The following TFEC variants were observed in gnomAD, a reference collection of about 807,000 sequenced individuals.
TFEC encodes class E basic helix-loop-helix protein 34.
In TFEC, 31 loss-of-function variants were observed where a neutral mutation model predicts 41.6. That is an observed-to-expected ratio of 0.74 (90% CI 0.56 to 1.01). The LOEUF is 1.01. Ranked by LOEUF, TFEC falls within the 50% of genes least tolerant of loss-of-function variation. The pLI is 0.00. For synonymous variants in TFEC, 143 were observed against 140.6 expected (o/e 1.02, Z -0.12); for missense variants, 402 against 404.1 (o/e 0.99, Z 0.04).
intron 4 of TFEC, among the ~76,000 whole-genome samples, chr7:115,956,354 A>ATAAAATGCAAT (rs1322371458): frequency 6.6e-6 from 1 of 151,888 alleles, no homozygotes. Flanking sequence ...AATGGCATCT[A>ATAAAATGCAAT]TTTAATATAA....
intron 3 of TFEC, among the ~76,000 whole-genome samples, chr7:116,078,900 T>A (rs975986599): frequency 6.6e-6 from 1 of 151,926 alleles, no homozygotes; most frequent in Non-Finnish European, 1.5e-5. Flanking sequence ...CAGGCCAATA[T>A]CCCTGATGAA....
intron 3 of TFEC, among the ~76,000 whole-genome samples, chr7:115,970,264 T>A (rs1793073256): frequency 6.6e-6 from 1 of 151,984 alleles, no homozygotes; most frequent in African/African-American, 2.4e-5. Context: ...CCATGTTAAA[T>A]GCCACTGAGG....
At chr7:116,073,395 C>T (rs1438363576) in intron 3 of TFEC, among the ~76,000 whole-genome samples, 1 of 150,924 alleles carries the variant, frequency 6.6e-6, no homozygotes, top group African/African-American at 2.4e-5. Context: ...AGATTTCATG[C>T]AAAATTGTTT....
chr7:116,072,599 T>C (rs905193230), intron 3 of TFEC, among the ~76,000 whole-genome samples: 2 of 151,762 alleles, frequency 1.3e-5, no homozygotes, highest in East Asian at 3.9e-4. Flanking sequence ...TAAAGATACA[T>C]ATTATTTAAA....
intron 3 of TFEC, among the ~76,000 whole-genome samples, chr7:116,063,170 A>G (rs1310542206): frequency 6.6e-6 from 1 of 152,226 alleles, no homozygotes; most frequent in Non-Finnish European, 1.5e-5. Context: ...GAAAAGCCAG[A>G]CCAGATAATA....
chr7:116,124,955 T>C (rs771589192), intron 1 of TFEC, among the ~76,000 whole-genome samples: 19 of 152,200 alleles, frequency 1.2e-4, no homozygotes, highest in Non-Finnish European at 2.5e-4. Context: ...ATGTATTCAA[T>C]AGATAATAAT....
chr7:115,977,139 A>G (rs867838613), intron 2 of TFEC, among the ~76,000 whole-genome samples: 1 of 152,150 alleles, frequency 6.6e-6, no homozygotes, highest in Non-Finnish European at 1.5e-5. Flanking sequence ...TTAAAAACCC[A>G]AGAATCCATT....
upstream of TFEC, among the ~76,000 whole-genome samples, chr7:116,031,679 A>G (rs927184457): frequency 2.6e-5 from 4 of 152,146 alleles, no homozygotes; most frequent in African/African-American, 9.6e-5. Context: ...TGATCTAAAA[A>G]TTGTGCAATT....
intron 3 of TFEC, among the ~76,000 whole-genome samples, chr7:116,097,988 TCTTCA>T (rs952375218): frequency 6.6e-6 from 1 of 152,112 alleles, no homozygotes. Flanking sequence ...CAGACTTAAC[TCTTCA>T]CATATCAATA....
At chr7:116,066,027 T>C (rs958172676) in intron 3 of TFEC, among the ~76,000 whole-genome samples, 1 of 152,122 alleles carries the variant, frequency 6.6e-6, no homozygotes, top group Non-Finnish European at 1.5e-5. Flanking sequence ...ATACCAGCAG[T>C]GGAAACAATT....
intron 3 of TFEC, among the ~76,000 whole-genome samples, chr7:116,084,804 T>C (rs971273491): frequency 1.3e-5 from 2 of 151,914 alleles, no homozygotes; most frequent in Admixed American, 1.3e-4. Context: ...AGTAATTGTT[T>C]GAAGGCATCT....
At chr7:116,141,984 T>G (rs1214397330) in intron 1 of TFEC, among the ~76,000 whole-genome samples, 1 of 152,176 alleles carries the variant, frequency 6.6e-6, no homozygotes, top group Non-Finnish European at 1.5e-5. Context: ...TGGTCTGGTT[T>G]GGGGTTTATC....
At chr7:116,040,461 G>T (rs923635214) in intron 3 of TFEC, among the ~76,000 whole-genome samples, 2 of 152,088 alleles carry the variant, frequency 1.3e-5, no homozygotes, top group African/African-American at 4.8e-5. Flanking sequence ...AGGCATTTCA[G>T]ATATCCCTTC....
intron 3 of TFEC, among the ~76,000 whole-genome samples, chr7:116,100,427 C>T (rs896255824): frequency 1.3e-5 from 2 of 152,046 alleles, no homozygotes; most frequent in African/African-American, 4.8e-5. Flanking sequence ...TGAAAAACAT[C>T]CCATTTTTCA....
chr7:116,068,585 A>C (rs1796750782), intron 3 of TFEC, among the ~76,000 whole-genome samples: 1 of 151,768 alleles, frequency 6.6e-6, no homozygotes, highest in East Asian at 1.9e-4. Flanking sequence ...CTTTTGGAAT[A>C]ATTAACAAAA....
chr7:115,962,411 G>T (rs1792603940), intron 3 of TFEC, among the ~76,000 whole-genome samples: 2 of 151,914 alleles, frequency 1.3e-5, no homozygotes, highest in South Asian at 4.1e-4. Context: ...CAAAGTTGGA[G>T]CACTCACACT....
rs117023851 is a variant in TFEC, at chr7:115,997,371, C to A, written c.-72-12858G>T. On this transcript the variant is annotated intron_variant, in intron 1 of 7. Coordinates refer to ENST00000265440, the MANE Select transcript of TFEC (RefSeq NM_012252.4). Reference sequence around the variant, plus strand: ...ATGTATGAGTCTGCAAGAGCCACAGCACTACTAATCTTTAGCTGCCTCCTA... The same window carrying A: ...ATGTATGAGTCTGCAAGAGCCACAGAACTACTAATCTTTAGCTGCCTCCTA... Among the ~76,000 whole-genome samples the A allele has an allele frequency of 9.3e-3, 1,419 of 152,304 alleles. 16 individuals carry two copies. Among genetic ancestry groups the A allele is most frequent in the Non-Finnish European group, 0.015 (993 of 68,020 alleles).
upstream of TFEC, among the ~76,000 whole-genome samples, chr7:116,031,085 T>C (rs1328377116): frequency 6.6e-6 from 1 of 152,126 alleles, no homozygotes; most frequent in Non-Finnish European, 1.5e-5. Context: ...CCTACATTTA[T>C]TGCAACATGT....
At chr7:115,987,387 T>C (rs1478292146) in intron 1 of TFEC, among the ~76,000 whole-genome samples, 1 of 152,180 alleles carries the variant, frequency 6.6e-6, no homozygotes, top group Admixed American at 6.5e-5. Context: ...ACCTTAAAAA[T>C]TGCCTAGGTT....
Sources: allele counts gnomAD v4.1 joint callset (sites outside exome capture counted in the v4.1 genomes callset), GRCh38; gene constraint gnomAD v4.1.1; transcripts MANE v1.5; gene names NCBI Gene and HGNC (gene_info 2026-07-23, HGNC 2026-07-21).